The following GHRH variants were observed in gnomAD, a reference collection of about 807,000 sequenced individuals.
The protein encoded by GHRH is growth hormone releasing hormone.
A neutral mutation model predicts 15.6 loss-of-function variants in GHRH; 7 were observed. The ratio of observed to expected loss-of-function variants is 0.45; its 90% CI spans 0.26 to 0.84. GHRH has a LOEUF of 0.84. Ranked by LOEUF, GHRH falls within the 40% of genes least tolerant of loss-of-function variation. The pLI, the probability that GHRH is intolerant of heterozygous loss-of-function variation, is 0.18. For missense variants in GHRH, 117 were observed against 138.0 expected (o/e 0.85, Z 0.76); for synonymous variants, 54 against 50.4 (o/e 1.07, Z -0.30).
intron 4 of GHRH, 56 bp downstream of exon 4, chr20:37,254,154 C>A: frequency 6.2e-7 from 1 of 1,604,560 alleles, no homozygotes; most frequent in Non-Finnish European, 8.5e-7. Flanking sequence ...TCCTGGCAAA[C>A]CACGGGGTAG....
rs2068641060 is a variant in GHRH at position 37,254,201 on chromosome 20, C to G, written c.308+9G>C. On this transcript the variant is annotated intron_variant, in intron 4 of 4. Coordinates refer to ENST00000373614, the MANE Select transcript of GHRH (RefSeq NM_021081.6). ...GTCCCTAGATGCACCCATGCACACA[C>G]ACCCATACCTGTGCTTCTGCAGCAG... 1.2e-6 allele frequency: 2 copies of G among 1,614,018 alleles called. No homozygotes were observed. The highest frequency in any genetic ancestry group is 8.5e-7 in the Non-Finnish European group (1 of 1,179,996).
intron 1 of GHRH, among the ~76,000 whole-genome samples, chr20:37,257,881 A>G (rs6032456): frequency 0.16 from 24,628 of 152,236 alleles, 4,023 homozygotes; most frequent in African/African-American, 0.42. Flanking sequence ...ACCTAAGACC[A>G]ACCCTCTCAG....
intron 1 of GHRH, among the ~76,000 whole-genome samples, chr20:37,260,653 G>C (rs186343809): frequency 6.6e-6 from 1 of 152,276 alleles, no homozygotes; most frequent in Non-Finnish European, 1.5e-5. Flanking sequence ...AAAATTCACT[G>C]AATGAAGTGT....
chr20:37,258,470 A>G lies in GHRH; in HGVS notation c.-19-1562T>C, dbSNP rs1020776918. Among the ~76,000 whole-genome samples, 4 of 152,084 alleles carry G rather than the reference A, an allele frequency of 2.6e-5. No individual in the cohort carries two copies. The highest frequency in any genetic ancestry group is 2.0e-4 in the Admixed American group (3 of 15,278). ...TCTCAGGGTATCACCCTCCTTTCTG[A>G]AGGCACTGAAGTCTCCTCTAACCCA... On this transcript the variant is annotated intron_variant, in intron 1 of 4. Transcript: ENST00000373614. The surrounding 1 kb of genome is among the most constrained non-coding windows in gnomAD (Gnocchi z 4.1).
At chr20:37,254,071 G>T in intron 4 of GHRH, 139 bp downstream of exon 4, 1 of 853,204 alleles carries the variant, frequency 1.2e-6, no homozygotes, top group Non-Finnish European at 1.9e-6. Flanking sequence ...CTTAATGTCT[G>T]TCAGGAGGGT....
intron 3 of GHRH, among the ~76,000 whole-genome samples, chr20:37,255,824 G>A (rs1354500919): frequency 4.6e-5 from 7 of 152,104 alleles, no homozygotes; most frequent in Non-Finnish European, 1.0e-4. Context: ...GAGGCCAGGA[G>A]TTCGAGACCA....
chr20:37,253,563 CA>C (rs752812141), intron 4 of GHRH, among the ~76,000 whole-genome samples: 2 of 152,178 alleles, frequency 1.3e-5, no homozygotes, highest in African/African-American at 2.4e-5. Context: ...CTCCATCAGA[CA>C]CTTTCCACCC....
rs976201185 is a variant in GHRH at position 37,258,902 on chromosome 20, G to T, written c.-19-1994C>A. The stretch of plus-strand genomic sequence containing the variant: ...CAGCAGGCATGTGCCATCATGCCCA[G>T]CTAATTTTGAAATTTTTTGTAAAGA... On this transcript the variant is annotated intron_variant, in intron 1 of 4. Coordinates refer to ENST00000373614, the MANE Select transcript of GHRH (RefSeq NM_021081.6). This position sits in a 1 kb window ranked among gnomAD's most constrained non-coding sequence, Gnocchi z 4.1. 2.6e-5 allele frequency among the ~76,000 whole-genome samples: 4 copies of T among 152,126 alleles called. No homozygotes were observed. The highest frequency in any genetic ancestry group is 5.9e-5 in the Non-Finnish European group (4 of 68,016).
rs2068620165 is a variant in GHRH, at chr20:37,251,352, G to A, written c.309-121C>T. Reference sequence around the variant, plus strand: ...GGAGCTGGCCTTTTGGATTCCAAAAGAGGCAGTGTGGGGTGGAGGGAAGGA... The same window carrying A: ...GGAGCTGGCCTTTTGGATTCCAAAAAAGGCAGTGTGGGGTGGAGGGAAGGA... On this transcript the variant is annotated intron_variant, in intron 4 of 4. Transcript: ENST00000373614. 4.1e-6 allele frequency: 3 copies of A among 739,178 alleles called. No individual in the cohort carries two copies. The African/African-American group carries it at 5.3e-5, about 13-fold the overall frequency. The allele number at this position is 739,178 out of a possible 1,614,324, so 45.8% of individuals were successfully genotyped here. A position where few individuals can be genotyped will look rare whatever the true frequency, so the allele number is the denominator to read the frequency against.
intron 2 of GHRH, 48 bp downstream of exon 2, chr20:37,256,759 G>C: frequency 7.0e-7 from 1 of 1,435,284 alleles, no homozygotes; most frequent in Admixed American, 1.8e-5. Context: ...CTGCCCCATG[G>C]CAGGGATGGC....
chr20:37,260,133 C>A (rs1398212208), intron 1 of GHRH, among the ~76,000 whole-genome samples: 4 of 152,048 alleles, frequency 2.6e-5, no homozygotes, highest in Non-Finnish European at 1.5e-5. Context: ...AAACACAATA[C>A]CCCGCTCATT....
chr20:37,257,212 G>A (rs931025821), intron 1 of GHRH, among the ~76,000 whole-genome samples: 1 of 152,110 alleles, frequency 6.6e-6, no homozygotes, highest in Non-Finnish European at 1.5e-5. Context: ...CTTGCCATAA[G>A]GTATTAGAAG....
At chr20:37,256,332 G>A (rs1318532333) in intron 3 of GHRH, 62 bp downstream of exon 3, 5 of 1,066,466 alleles carry the variant, frequency 4.7e-6, no homozygotes, top group South Asian at 1.4e-5. Context: ...CCCCTGTAGG[G>A]AACAAGCTCC....
chr20:37,259,118 C>T (rs1318426783), intron 1 of GHRH, among the ~76,000 whole-genome samples: 1 of 152,174 alleles, frequency 6.6e-6, no homozygotes, highest in Non-Finnish European at 1.5e-5. Context: ...TTTGTTAAGC[C>T]TCTACTGTTC....
chr20:37,253,989 G>C (rs2068639124), intron 4 of GHRH, among the ~76,000 whole-genome samples: 1 of 152,206 alleles, frequency 6.6e-6, no homozygotes. Flanking sequence ...GACCTCAGAT[G>C]ATCCACCCAC....
chr20:37,252,756 T>G (rs909222523), intron 4 of GHRH, among the ~76,000 whole-genome samples: 1 of 143,372 alleles, frequency 7.0e-6, no homozygotes, highest in African/African-American at 2.6e-5. Flanking sequence ...TACAAAAAAT[T>G]AGCCGGGCGT....
intron 4 of GHRH, among the ~76,000 whole-genome samples, chr20:37,253,852 G>C (rs1002132348): frequency 6.6e-6 from 1 of 152,192 alleles, no homozygotes; most frequent in African/African-American, 2.4e-5. Context: ...CCAGCTTCAA[G>C]CGATTCTCCT....
chr20:37,258,747 T>C lies in GHRH; in HGVS notation c.-19-1839A>G, dbSNP rs1262040610. ...AGCTTATTTCCAGATGGTTCTTTAT[T>C]TATTTATTTTGAGAGCGGGTCTCAC... On this transcript the variant is annotated intron_variant, in intron 1 of 4. Transcript: ENST00000373614. The surrounding 1 kb of genome is among the most constrained non-coding windows in gnomAD (Gnocchi z 4.1). Among the ~76,000 whole-genome samples the C allele has an allele frequency of 6.6e-6, 1 of 151,948 alleles. No individual in the cohort carries two copies. Among genetic ancestry groups the C allele is most frequent in the Non-Finnish European group, 1.5e-5 (1 of 67,996 alleles).
At chr20:37,255,725 T>C (rs1045660791) in intron 3 of GHRH, among the ~76,000 whole-genome samples, 2 of 145,462 alleles carry the variant, frequency 1.4e-5, no homozygotes, top group Non-Finnish European at 3.0e-5. Context: ...AGGGTTGTTA[T>C]GAAGATTAAA....
Sources: gnomAD v4.1 joint callset for allele counts (sites outside exome capture counted in the v4.1 genomes callset) on GRCh38, gnomAD v4.1.1 for gene constraint, Gnocchi (gnomAD v3.1) non-coding constraint, MANE v1.5 for transcripts, NCBI Gene and HGNC (gene_info 2026-07-23, HGNC 2026-07-21) for gene names.